CAP2: variants seen among roughly 807,000 people sequenced by gnomAD.
CAP2 encodes the protein adenylyl cyclase-associated protein 2.
Under a neutral mutation model 57.7 loss-of-function variants are expected in CAP2, and 24 were observed. The observed-to-expected ratio is 0.42, with a 90% CI of 0.30 to 0.58. The LOEUF is 0.58. Among genes scored for constraint, CAP2 ranks in the 20% least tolerant of loss-of-function variants. The pLI, the probability that CAP2 is intolerant of heterozygous loss-of-function variation, is 0.22. For synonymous variants in CAP2, 194 were observed against 207.2 expected, an observed-to-expected ratio of 0.94 and a Z score of 0.55; for missense variants, 501 against 590.3, an observed-to-expected ratio of 0.85 and a Z score of 1.57.
In CAP2 at chr6:17,554,731, C is replaced by T. The variant is rs544381445; in HGVS notation, c.1351-1628C>T. Among the ~76,000 whole-genome samples, 12 of 152,304 alleles carry T rather than the reference C, an allele frequency of 7.9e-5. 1 individual carries two copies. In the South Asian group the frequency reaches 2.5e-3, roughly 32 times the overall value. ...ATGAGCACCGCATGGACTGGAAGTC[C>T]GAGGAGGCCCAGAAGACAGGTCCAA... On this transcript the variant is annotated intron_variant, in intron 12 of 12. Transcript: ENST00000229922.
chr6:17,421,519 C>A, intron 1 of CAP2, 36 bp from the exon 2 acceptor site: 1 of 1,613,444 alleles, frequency 6.2e-7, no homozygotes. Context: ...CTCCCTGATG[C>A]TCACGCAGCC....
intron 1 of CAP2, among the ~76,000 whole-genome samples, chr6:17,399,232 T>C (rs1288842168): frequency 6.6e-6 from 1 of 152,122 alleles, no homozygotes; most frequent in Non-Finnish European, 1.5e-5. Flanking sequence ...CCAGCTAATT[T>C]TTATACTTTT....
At chr6:17,394,342 G>A (rs867557548) in intron 1 of CAP2, among the ~76,000 whole-genome samples, 1 of 152,100 alleles carries the variant, frequency 6.6e-6, no homozygotes, top group Non-Finnish European at 1.5e-5. Flanking sequence ...GGCACCCGCC[G>A]CTGGCTCTCT....
Position 17,546,498 on chromosome 6 carries a change from T to C in CAP2, c.1209+3355T>C, listed in dbSNP as rs561378738. 1.9e-3 allele frequency among the ~76,000 whole-genome samples: 296 copies of C among 152,366 alleles called. 3 individuals carry two copies. The highest frequency in any genetic ancestry group is 6.9e-3 in the African/African-American group (286 of 41,588). On this transcript the variant is annotated intron_variant, in intron 11 of 12. Transcript: ENST00000229922. The stretch of plus-strand genomic sequence containing the variant: ...ATTTTCTCCCGTTCTGTAGGTTGCC[T>C]GTTCGCTCTGATGGTAGTTTCTTTT...
chr6:17,465,414 C>T (rs886223657), intron 4 of CAP2, among the ~76,000 whole-genome samples: 3 of 152,110 alleles, frequency 2.0e-5, no homozygotes, highest in African/African-American at 4.8e-5. Context: ...GCACTGGAAA[C>T]GTCTGGCAGC....
intron 12 of CAP2, among the ~76,000 whole-genome samples, chr6:17,554,372 C>T (rs890322520): frequency 6.6e-6 from 1 of 152,224 alleles, no homozygotes; most frequent in Non-Finnish European, 1.5e-5. Context: ...TTCCCTGCAA[C>T]TCTGCCAAAA....
At chr6:17,439,785 G>A (rs1479923832) in intron 3 of CAP2, among the ~76,000 whole-genome samples, 1 of 151,472 alleles carries the variant, frequency 6.6e-6, no homozygotes, top group Non-Finnish European at 1.5e-5. Context: ...GGTAATGCAA[G>A]CGATGGGGAG....
chr6:17,481,627 T>C lies in CAP2; in HGVS notation c.300+18554T>C, dbSNP rs1248745563. On this transcript the variant is annotated intron_variant, in intron 4 of 12. Transcript: ENST00000229922. ...TTCATTTGTTTCTCAAGTATGTCCT[T>C]ATAAATCTCTGTCTAGTTTTGTTTC... is the stretch of plus-strand genomic sequence containing the variant. Among the ~76,000 whole-genome samples, 11 of 152,224 alleles carry C rather than the reference T, an allele frequency of 7.2e-5. 1 individual carries two copies. The East Asian group carries it at 2.1e-3, about 29-fold the overall frequency.
chr6:17,549,449 A>G (rs549476771), intron 11 of CAP2, among the ~76,000 whole-genome samples: 30 of 152,236 alleles, frequency 2.0e-4, no homozygotes, highest in African/African-American at 6.7e-4. Context: ...GGGCAACAAG[A>G]GCGAAACTCC....
intron 7 of CAP2, among the ~76,000 whole-genome samples, chr6:17,526,826 G>A (rs1451642318): frequency 2.6e-5 from 4 of 151,536 alleles, no homozygotes; most frequent in Non-Finnish European, 4.4e-5. Flanking sequence ...GCATGGTGGC[G>A]CATGCCTATA....
chr6:17,460,558 T>C (rs183859128), intron 3 of CAP2, among the ~76,000 whole-genome samples: 1 of 152,296 alleles, frequency 6.6e-6, no homozygotes, highest in Admixed American at 6.5e-5. Context: ...CAGCAAGAAG[T>C]CAGTCAATAC....
At chr6:17,397,140 A>G (rs993926627) in intron 1 of CAP2, among the ~76,000 whole-genome samples, 1 of 151,852 alleles carries the variant, frequency 6.6e-6, no homozygotes. Context: ...GCTCACTACA[A>G]CCTCCGCCTC....
intron 7 of CAP2, among the ~76,000 whole-genome samples, chr6:17,524,893 CTTT>C (rs11325666): frequency 1.0e-4 from 11 of 109,610 alleles, no homozygotes; most frequent in African/African-American, 1.4e-4. Context: ...CTTTTCTTTT[CTTT>C]TTTTTTTTTT....
At chr6:17,475,171 C>T (rs1260306374) in intron 4 of CAP2, among the ~76,000 whole-genome samples, 4 of 145,276 alleles carry the variant, frequency 2.8e-5, no homozygotes, top group South Asian at 4.3e-4. Context: ...CTTCAGCCTG[C>T]GCAGCAGAGC....
intron 4 of CAP2, among the ~76,000 whole-genome samples, chr6:17,469,629 C>T (rs1760966900): frequency 6.6e-6 from 1 of 152,068 alleles, no homozygotes; most frequent in African/African-American, 2.4e-5. Flanking sequence ...TTTCTACTAT[C>T]CTCCCTCTCG....
intron 3 of CAP2, among the ~76,000 whole-genome samples, chr6:17,435,748 A>G (rs1759864393): frequency 6.9e-6 from 1 of 145,352 alleles, no homozygotes; most frequent in Non-Finnish European, 1.5e-5. Flanking sequence ...AAAAAACAAT[A>G]TATTCTAGAG....
chr6:17,549,072 A>T (rs1376481755), intron 11 of CAP2, among the ~76,000 whole-genome samples: 1 of 152,228 alleles, frequency 6.6e-6, no homozygotes, highest in Non-Finnish European at 1.5e-5. Flanking sequence ...AAGACATCAT[A>T]TGAAGCTGAA....
intron 7 of CAP2, among the ~76,000 whole-genome samples, chr6:17,532,957 C>T (rs1481989473): frequency 2.8e-5 from 4 of 144,720 alleles, no homozygotes; most frequent in Admixed American, 7.0e-5. Context: ...CCCAGCTACT[C>T]GGGAGGCTGA....
intron 3 of CAP2, among the ~76,000 whole-genome samples, chr6:17,455,450 C>A (rs549722962): frequency 2.3e-4 from 35 of 152,076 alleles, no homozygotes; most frequent in Non-Finnish European, 7.4e-5. Context: ...AACCCCAAAT[C>A]AAAGGGCAGA....
Sources: gnomAD v4.1 joint callset for allele counts (sites outside exome capture counted in the v4.1 genomes callset) on GRCh38, gnomAD v4.1.1 for gene constraint, MANE v1.5 for transcripts, NCBI Gene and HGNC (gene_info 2026-07-23, HGNC 2026-07-21) for gene names.